The following RYR3 variants were observed in gnomAD, a reference collection of about 807,000 sequenced individuals.
The protein encoded by RYR3 is ryanodine receptor 3, also known as brain ryanodine receptor-calcium release channel.
A neutral mutation model predicts 584.3 loss-of-function variants in RYR3; 207 were observed. That is an observed-to-expected ratio of 0.35 (90% confidence interval 0.32 to 0.40). The LOEUF is 0.40. RYR3 is among the 10% of genes least tolerant of loss of function. RYR3 has a pLI of 1.00. For synonymous variants in RYR3, 2,416 were observed against 2,248.5 expected (o/e 1.07, Z -2.11); for missense variants, 5,616 against 6,089.2 (o/e 0.92, Z 2.59).
At chr15:33,551,688 C>T (rs1395051770) in intron 10 of RYR3, among the ~76,000 whole-genome samples, 1 of 152,186 alleles carries the variant, frequency 6.6e-6, no homozygotes, top group East Asian at 1.9e-4. Context: ...GCTTCTCTTC[C>T]AATGGCTATT....
At position 33,390,726 on chromosome 15, in the gene RYR3, A is replaced by C. The variant is rs931804255; in HGVS notation, c.51+79630A>C. On this transcript the variant is annotated intron_variant, in intron 1 of 103. Coordinates refer to ENST00000634891, the MANE Select transcript of RYR3 (RefSeq NM_001036.6). The surrounding 1 kb of genome is among the most constrained non-coding windows in gnomAD (Gnocchi z 4.2). ...GCACAAACAATGTGATTTATGCCGAACACCTGCTTAGTTCTGGGAATCTAG... is the reference window on the plus strand; with the variant it reads ...GCACAAACAATGTGATTTATGCCGACCACCTGCTTAGTTCTGGGAATCTAG... Among the ~76,000 whole-genome samples, 53 of 152,264 alleles carry C rather than the reference A, an allele frequency of 3.5e-4. No homozygotes were observed. The highest frequency in any genetic ancestry group is 1.2e-3 in the African/African-American group (51 of 41,566).
chr15:33,790,221 C>T (rs961397832), intron 67 of RYR3, among the ~76,000 whole-genome samples: 4 of 151,164 alleles, frequency 2.6e-5, no homozygotes, highest in Non-Finnish European at 4.4e-5. Flanking sequence ...TCTCAATCTC[C>T]TGACCTCGTG....
At chr15:33,848,484 C>CT in intron 94 of RYR3, 63 bp downstream of exon 94, 1 of 1,529,046 alleles carries the variant, frequency 6.5e-7, no homozygotes, top group Non-Finnish European at 8.8e-7. Flanking sequence ...TAGAGTAACT[C>CT]TTTCCTCCTG....
intron 81 of RYR3, 39 bp from the exon 82 acceptor site, chr15:33,825,564 G>A (rs750864253): frequency 5.1e-6 from 7 of 1,361,964 alleles, no homozygotes; most frequent in South Asian, 1.2e-5. Flanking sequence ...TTCCCAGCGT[G>A]CGTAGCCCTG....
chr15:33,437,803 G>A, intron 1 of RYR3, among the ~76,000 whole-genome samples: 1 of 152,134 alleles, frequency 6.6e-6, no homozygotes, highest in Non-Finnish European at 1.5e-5. Context: ...CACAGTCATG[G>A]CTCACTGCTG....
At chr15:33,432,395 G>A (rs2045245183) in intron 1 of RYR3, among the ~76,000 whole-genome samples, 1 of 151,836 alleles carries the variant, frequency 6.6e-6, no homozygotes, top group African/African-American at 2.4e-5. Context: ...TCACCCTGTA[G>A]CCTCATCTGT....
At chr15:33,575,517 G>A (rs1232093310) in intron 12 of RYR3, among the ~76,000 whole-genome samples, 5 of 152,060 alleles carry the variant, frequency 3.3e-5, no homozygotes, top group African/African-American at 1.2e-4. Flanking sequence ...AATGACTCCT[G>A]GGTAAATAAT....
At position 33,516,272 on chromosome 15, in the gene RYR3, C is replaced by T. The variant is rs938434259; in HGVS notation, c.279+12534C>T. 1.9e-4 allele frequency among the ~76,000 whole-genome samples: 29 copies of T among 151,880 alleles called. 1 individual carries two copies. Among genetic ancestry groups the T allele is most frequent in the Non-Finnish European group, 3.1e-4 (21 of 67,992 alleles). The stretch of plus-strand genomic sequence containing the variant: ...GCATGAAACAGAGGCATGCCCCCCC[C>T]GAAATGATCCTGTTTTTAACATACA... On this transcript the variant is annotated intron_variant, in intron 3 of 103. Coordinates refer to ENST00000634891, the MANE Select transcript of RYR3 (RefSeq NM_001036.6).
intron 10 of RYR3, 61 bp from the exon 11 acceptor site, chr15:33,562,776 A>T: frequency 7.9e-7 from 1 of 1,273,474 alleles, no homozygotes; most frequent in Non-Finnish European, 1.1e-6. Context: ...TTCGTTTTGT[A>T]TATTGAGCTT....
rs772909971 is a variant in RYR3 at position 33,772,045 on chromosome 15, C to T, written c.8942C>T (p.Thr2981Met). The change falls in exon 63 of 104, where the codon ACG (threonine) becomes ATG (methionine). Residue 2981 changes from threonine to methionine, a missense_variant. By Grantham distance (81) the Thr-to-Met change is moderately conservative. Around this residue, in one of 9 missense-constraint regions of RYR3, gnomAD observed 954 missense variants for 1,132.2 expected, o/e 0.84. Transcript: ENST00000634891. ...LKLGKFTHSR[T>M]QIKGVSQNIN... ...CTTGGGAAGTTCACCCATTCCCGAA[C>T]GCAGATTAAAGGCGTTTCTCAGAAT... The T allele has an allele frequency of 9.9e-6, 16 of 1,613,498 alleles. No individual in the cohort carries two copies. The Admixed American group carries it at 1.0e-4, about 10-fold the overall frequency.
intron 27 of RYR3, among the ~76,000 whole-genome samples, chr15:33,636,794 A>G (rs1427477510): frequency 6.6e-6 from 1 of 152,228 alleles, no homozygotes; most frequent in Non-Finnish European, 1.5e-5. Context: ...CCAAGAAGCT[A>G]ATTCCCTCCC....
At chr15:33,845,190 A>C (rs1273236981) in intron 93 of RYR3, 128 bp downstream of exon 93, 2 of 815,210 alleles carry the variant, frequency 2.5e-6, no homozygotes, top group Non-Finnish European at 3.9e-6. Context: ...GTAGAGCAGC[A>C]GCAGCACATC....
At chr15:33,776,060 T>C (rs921807622) in intron 64 of RYR3, among the ~76,000 whole-genome samples, 2 of 152,220 alleles carry the variant, frequency 1.3e-5, no homozygotes, top group African/African-American at 4.8e-5. Flanking sequence ...GAAAGTACAA[T>C]GAACCCACCA....
intron 1 of RYR3, among the ~76,000 whole-genome samples, chr15:33,466,089 C>T (rs186894612): frequency 3.2e-3 from 490 of 152,254 alleles, no homozygotes; most frequent in Non-Finnish European, 4.9e-3. Flanking sequence ...AAACACAAGT[C>T]GAGTTCAGAG....
At chr15:33,842,486 G>A (rs974848588) in intron 91 of RYR3, among the ~76,000 whole-genome samples, 1 of 152,254 alleles carries the variant, frequency 6.6e-6, no homozygotes, top group African/African-American at 2.4e-5. Context: ...AGAACAGCTT[G>A]TAATATTCTT....
intron 1 of RYR3, among the ~76,000 whole-genome samples, chr15:33,427,175 T>A (rs1363342831): frequency 2.0e-5 from 3 of 152,166 alleles, no homozygotes; most frequent in African/African-American, 7.2e-5. Flanking sequence ...GAACAGGGTA[T>A]AGAAGTGTGT....
intron 41 of RYR3, 105 bp from the exon 42 acceptor site, chr15:33,700,872 T>G: frequency 1.4e-6 from 1 of 697,038 alleles, no homozygotes; most frequent in Non-Finnish European, 2.4e-6. Context: ...CAGGTTTCAG[T>G]GTGTTTGCTG....
At chr15:33,498,936 T>C (rs1240168765) in intron 2 of RYR3, among the ~76,000 whole-genome samples, 1 of 152,220 alleles carries the variant, frequency 6.6e-6, no homozygotes, top group Admixed American at 6.5e-5. Context: ...GAGACTGTTC[T>C]TTCCCCAGGG....
chr15:33,793,407 G>A (rs2075278748), intron 67 of RYR3, among the ~76,000 whole-genome samples: 1 of 152,198 alleles, frequency 6.6e-6, no homozygotes, highest in African/African-American at 2.4e-5. Flanking sequence ...GAGGCTGAAA[G>A]TTCCAACCCT....
Sources: allele counts gnomAD v4.1 joint callset (sites outside exome capture counted in the v4.1 genomes callset), GRCh38; gene constraint gnomAD v4.1.1; regional missense constraint gnomAD v4.1.1; non-coding constraint Gnocchi (gnomAD v3.1); transcripts MANE v1.5; gene names NCBI Gene and HGNC (gene_info 2026-07-23, HGNC 2026-07-21).